DNAH2: variants seen among roughly 807,000 people sequenced by gnomAD.
The protein encoded by DNAH2 is dynein axonemal heavy chain 2.
DNAH2 carries 323 observed loss-of-function variants against 523.5 expected under a neutral mutation model. The ratio of observed to expected loss-of-function variants is 0.62; its 90% confidence interval spans 0.56 to 0.68. The LOEUF (loss-of-function observed/expected upper bound fraction) is 0.68. Ranked by LOEUF, DNAH2 falls within the 30% of genes least tolerant of loss-of-function variation. DNAH2 has a pLI of 0.00. For missense variants in DNAH2, 4,907 were observed against 5,701.5 expected (o/e 0.86, Z 4.49); for synonymous variants, 2,093 against 2,177.4 (o/e 0.96, Z 1.08).
intron 12 of DNAH2, among the ~76,000 whole-genome samples, chr17:7,750,204 G>A (rs1015667483): frequency 2.0e-5 from 3 of 152,016 alleles, no homozygotes; most frequent in Non-Finnish European, 2.9e-5. Context: ...TTTTGCTAGC[G>A]CAGCATTCAC....
chr17:7,735,410 G>A (rs141718859), intron 7 of DNAH2, among the ~76,000 whole-genome samples: 101 of 152,268 alleles, frequency 6.6e-4, no homozygotes, highest in African/African-American at 1.9e-3. Flanking sequence ...GATTATAGGC[G>A]TGAGCCACCG....
intron 2 of DNAH2, among the ~76,000 whole-genome samples, chr17:7,721,126 A>G (rs2074591870): frequency 6.7e-6 from 1 of 148,566 alleles, no homozygotes; most frequent in Admixed American, 6.9e-5. Context: ...CTTGTGCCTC[A>G]GCCTCCCAAG....
intron 73 of DNAH2, 144 bp from the exon 74 acceptor site, chr17:7,823,294 CAAAA>C: frequency 1.1e-5 from 6 of 542,094 alleles, no homozygotes; most frequent in Admixed American, 4.1e-5. Context: ...GACTCCATCT[CAAAA>C]AAAAAAAAAA....
chr17:7,792,510 C>G (rs2076926601), intron 46 of DNAH2, 147 bp from the exon 47 acceptor site: 1 of 964,116 alleles, frequency 1.0e-6, no homozygotes, highest in Non-Finnish European at 1.6e-6. Context: ...GGGCTTGGGA[C>G]AGGGTCTCTG....
chr17:7,734,210 C>G lies in DNAH2; in HGVS notation c.656C>G (p.Thr219Arg), dbSNP rs572643510. The G allele has an allele frequency of 1.2e-6, 2 of 1,602,054 alleles. No homozygotes were observed. The highest frequency in any genetic ancestry group is 1.7e-6 in the Non-Finnish European group (2 of 1,173,916). The change falls in exon 6 of 86, where the codon ACG becomes AGG. Residue 219 changes from threonine (T) to arginine (R), a missense_variant. By Grantham distance (71) the Thr-to-Arg change is moderately conservative. Coordinates refer to ENST00000572933, the MANE Select transcript of DNAH2 (RefSeq NM_020877.5). Reference sequence around the variant, plus strand: ...ACTCGGTACAAACTGGAGGGGCACACGGTCCTCTACATCCCTGCAGAGGCC... The same window carrying G: ...ACTCGGTACAAACTGGAGGGGCACAGGGTCCTCTACATCCCTGCAGAGGCC... ...TDTRYKLEGH[T>R]VLYIPAEAMN...
rs202017731 is a variant in DNAH2 at position 7,726,636 on chromosome 17, A to G, written c.229-486A>G. The stretch of plus-strand genomic sequence containing the variant: ...TGTTTTTGTGTCTTTTTCCCTCCTC[A>G]CTTTTTCCTTAATGTTGTACCAATT... On this transcript the variant is annotated intron_variant, in intron 3 of 85. Coordinates refer to ENST00000572933, the MANE Select transcript of DNAH2 (RefSeq NM_020877.5). Among the ~76,000 whole-genome samples, 22 of 151,440 alleles carry G rather than the reference A, an allele frequency of 1.5e-4. No individual in the cohort carries two copies. In the East Asian group the frequency reaches 1.9e-3, roughly 13 times the overall value.
rs532818166 is a variant in DNAH2 at position 7,793,728 on chromosome 17, G to C, written c.7569+523G>C. Among the ~76,000 whole-genome samples, 52 of 152,012 alleles carry C rather than the reference G, an allele frequency of 3.4e-4. 2 individuals are homozygous for C. The Middle Eastern group carries it at 0.01, about 30-fold the overall frequency. On this transcript the variant is annotated intron_variant, in intron 48 of 85. Transcript: ENST00000572933. Reference sequence around the variant, plus strand: ...GATCCTCCCATCTTGGCCTCCCAAAGTGTTGGCATTACAGGCCTGAGCCAT... The same window carrying C: ...GATCCTCCCATCTTGGCCTCCCAAACTGTTGGCATTACAGGCCTGAGCCAT...
At chr17:7,763,214 A>G (rs1283502350) in intron 18 of DNAH2, among the ~76,000 whole-genome samples, 1 of 152,148 alleles carries the variant, frequency 6.6e-6, no homozygotes, top group African/African-American at 2.4e-5. Context: ...GCTGGAGTGC[A>G]GTGGCGCGAT....
chr17:7,742,874 CCCCTG>C, intron 11 of DNAH2, 49 bp from the exon 12 acceptor site: 1 of 1,277,858 alleles, frequency 7.8e-7, no homozygotes, highest in Non-Finnish European at 1.0e-6. Flanking sequence ...GAGATGGTGG[CCCCTG>C]GAGGAAGGTG....
chr17:7,757,027 C>T (rs1022787412), intron 12 of DNAH2, 64 bp from the exon 13 acceptor site: 17 of 1,599,204 alleles, frequency 1.1e-5, no homozygotes, highest in South Asian at 2.2e-5. Context: ...TCCACCTGTT[C>T]GATTGTTGCT....
In DNAH2 at chr17:7,793,083, G is replaced by A; in HGVS notation, c.7447G>A (p.Asp2483Asn). Residue 2483 changes from aspartate (D) to asparagine (N), a missense_variant, in exon 48 of 86, where the codon GAT (aspartate) becomes AAT (asparagine). Around this residue, in one of 3 missense-constraint regions of DNAH2, gnomAD observed 250 missense variants for 371.3 expected, o/e 0.67. Coordinates refer to ENST00000572933, the MANE Select transcript of DNAH2 (RefSeq NM_020877.5). ...FGGKSMITFM[D>N]DLNMPAKDMF... Reference sequence around the variant, plus strand: ...GGGCAAAAGCATGATCACCTTTATGGATGACCTAAATATGCCCGCTAAGGA... The same window carrying A: ...GGGCAAAAGCATGATCACCTTTATGAATGACCTAAATATGCCCGCTAAGGA... 6.2e-7 allele frequency: 1 copy of A among 1,614,188 alleles called. No individual in the cohort carries two copies. Among genetic ancestry groups the A allele is most frequent in the Non-Finnish European group, 8.5e-7 (1 of 1,180,050 alleles).
rs1476053648 is a variant in DNAH2, at chr17:7,832,193, A to AT, written c.12727-385dup. Among the ~76,000 whole-genome samples the AT allele has an allele frequency of 2.0e-5, 3 of 152,110 alleles. No individual in the cohort carries two copies. The highest frequency in any genetic ancestry group is 7.2e-5 in the African/African-American group (3 of 41,418). ...GGGGCTGCCACCACATAGTCTTCTC[A>AT]TATCTGCTTCAGGTGCTCAAAATAA... On this transcript the variant is annotated intron_variant, in intron 82 of 85. Transcript: ENST00000572933. The surrounding 1 kb of genome is among the most constrained non-coding windows in gnomAD (Gnocchi z 4.3).
intron 44 of DNAH2, among the ~76,000 whole-genome samples, chr17:7,789,959 G>A (rs564340920): frequency 6.6e-6 from 1 of 152,246 alleles, no homozygotes; most frequent in South Asian, 2.1e-4. Context: ...TGTGGTCCTA[G>A]GTATCTTAAT....
chr17:7,742,442 AC>A (rs2075380786), intron 11 of DNAH2, among the ~76,000 whole-genome samples: 1 of 152,166 alleles, frequency 6.6e-6, no homozygotes. Flanking sequence ...AACAAACAAA[AC>A]AAACAAATGA....
intron 56 of DNAH2, among the ~76,000 whole-genome samples, chr17:7,800,112 T>G (rs915076496): frequency 1.3e-5 from 2 of 152,212 alleles, no homozygotes; most frequent in African/African-American, 4.8e-5. Flanking sequence ...AGTGCAGTGC[T>G]GTGATCTCGA....
At chr17:7,800,954 C>A (rs1452740484) in intron 56 of DNAH2, among the ~76,000 whole-genome samples, 1 of 151,168 alleles carries the variant, frequency 6.6e-6, no homozygotes, top group Non-Finnish European at 1.5e-5. Flanking sequence ...CTCACTGCAA[C>A]CTCCATCTCC....
Position 7,802,975 on chromosome 17 carries a change from T to C in DNAH2, c.8972+958T>C, listed in dbSNP as rs147538914. Among the ~76,000 whole-genome samples, 6 of 152,170 alleles carry C rather than the reference T, an allele frequency of 3.9e-5. No individual in the cohort carries two copies. In the East Asian group the frequency reaches 1.2e-3, roughly 29 times the overall value. On this transcript the variant is annotated intron_variant, in intron 58 of 85. Coordinates refer to ENST00000572933, the MANE Select transcript of DNAH2 (RefSeq NM_020877.5). Reference sequence around the variant, plus strand: ...GGCATGAGCCACCGTGCCCAGACTTTTTTCAAATATTTTTGATCCTCTGTT... The same window carrying C: ...GGCATGAGCCACCGTGCCCAGACTTCTTTCAAATATTTTTGATCCTCTGTT...
chr17:7,766,859 A>G (rs544818628), intron 22 of DNAH2, among the ~76,000 whole-genome samples: 1 of 151,980 alleles, frequency 6.6e-6, no homozygotes, highest in East Asian at 1.9e-4. Context: ...CATATTGTCC[A>G]GACTGGTCTC....
Position 7,737,098 on chromosome 17 carries a change from C to A in DNAH2, c.1010C>A (p.Thr337Asn), listed in dbSNP as rs2075164328. 6.2e-7 allele frequency: 1 copy of A among 1,614,166 alleles called. No homozygotes were observed. Among genetic ancestry groups the A allele is most frequent in the East Asian group, 2.2e-5 (1 of 44,886 alleles). Residue 337 changes from threonine (T) to asparagine (N), a missense_variant, in exon 8 of 86, where the codon ACC (threonine) becomes AAC (asparagine). By Grantham distance (65) the Thr-to-Asn change is moderately conservative (BLOSUM62 0). Around this residue, in one of 3 missense-constraint regions of DNAH2, gnomAD observed 2,806 missense variants for 3,190.8 expected, o/e 0.88. Transcript: ENST00000572933. ...DGSRQAQSNLTFLSILKEPYQ... is the reference protein window; with the variant it reads ...DGSRQAQSNLNFLSILKEPYQ... ...TCTCGTCAAGCACAGTCAAACCTGA[C>A]CTTTTTGTCAATCCTGAAGGAACCT...
Sources: allele counts gnomAD v4.1 joint callset (sites outside exome capture counted in the v4.1 genomes callset), GRCh38; gene constraint gnomAD v4.1.1; regional missense constraint gnomAD v4.1.1; non-coding constraint Gnocchi (gnomAD v3.1); transcripts MANE v1.5; gene names NCBI Gene and HGNC (gene_info 2026-07-23, HGNC 2026-07-21).